ZNF407: variants seen among roughly 807,000 people sequenced by gnomAD.
ZNF407 encodes zinc finger protein 407.
A neutral mutation model predicts 131.2 loss-of-function variants in ZNF407; 17 were observed. That is an observed-to-expected ratio of 0.13 (90% CI 0.09 to 0.19). ZNF407 has a LOEUF of 0.19. ZNF407 is among the 10% of genes least tolerant of loss of function. ZNF407 has a pLI of 1.00. For synonymous variants in ZNF407, 1,156 were observed against 1,062.0 expected (o/e 1.09, Z -1.72); for missense variants, 2,681 against 2,830.6 (o/e 0.95, Z 1.20).
chr18:74,950,659 A>G (rs905949666), intron 8 of ZNF407, among the ~76,000 whole-genome samples: 5 of 152,188 alleles, frequency 3.3e-5, no homozygotes, highest in African/African-American at 9.7e-5. Context: ...TAACATTGCC[A>G]CTTCTGTAAA....
At chr18:75,062,933 TA>T (rs1368167215) in intron 8 of ZNF407, 2 of 486,740 alleles carry the variant, frequency 4.1e-6, no homozygotes, top group African/African-American at 3.9e-5. Context: ...GCACACCCAG[TA>T]TTAACTGTGT....
chr18:74,867,351 A>G (rs1011993047), intron 4 of ZNF407, among the ~76,000 whole-genome samples: 1 of 152,192 alleles, frequency 6.6e-6, no homozygotes, highest in Non-Finnish European at 1.5e-5. Context: ...TGACTTTCTT[A>G]TTGCTGTTTT....
chr18:74,690,196 A>G (rs1223058427), intron 3 of ZNF407, among the ~76,000 whole-genome samples: 1 of 152,226 alleles, frequency 6.6e-6, no homozygotes, highest in East Asian at 1.9e-4. Flanking sequence ...AATTATGTCA[A>G]CTGCATTCTT....
chr18:74,986,205 G>A (rs117673775), intron 8 of ZNF407, among the ~76,000 whole-genome samples: 92 of 151,698 alleles, frequency 6.1e-4, no homozygotes, highest in Non-Finnish European at 1.1e-3. Flanking sequence ...ATGCAGTCTA[G>A]TGTTGATTTT....
At position 75,064,455 on chromosome 18, in the gene ZNF407, T is replaced by C. The variant is rs370159868; in HGVS notation, c.6734T>C (p.Leu2245Pro). 1.2e-5 allele frequency: 18 copies of C among 1,490,584 alleles called. No homozygotes were observed. Among genetic ancestry groups the C allele is most frequent in the Middle Eastern group, 4.6e-4 (2 of 4,374 alleles). The allele number at this position is 1,490,584 out of a possible 1,614,324, so 92.3% of individuals were successfully genotyped here. Reference protein sequence around the residue: ...AIQSQRESSELQEA With the variant: ...AIQSQRESSEPQEA The stretch of plus-strand genomic sequence containing the variant: ...CAGAGCCAAAGAGAAAGCAGCGAAC[T>C]CCAGGAAGCATGAGACGCGCGGCAC... Residue 2245 changes from leucine (L) to proline (P), a missense_variant, in exon 9 of 9, where the codon CTC becomes CCC. Transcript: ENST00000299687.
chr18:74,676,872 T>C (rs535348), intron 3 of ZNF407, among the ~76,000 whole-genome samples: 151,908 of 152,328 alleles, frequency 1, 75,748 homozygotes, highest in Middle Eastern at 1. Context: ...TTCCACAGTT[T>C]AGTAAAATGG....
chr18:74,953,961 G>A (rs1972246705), intron 8 of ZNF407, among the ~76,000 whole-genome samples: 1 of 152,202 alleles, frequency 6.6e-6, no homozygotes, highest in South Asian at 2.1e-4. Context: ...AGGAGAAAAA[G>A]GGATAGTGTA....
At chr18:74,850,055 T>C (rs978420736) in intron 4 of ZNF407, among the ~76,000 whole-genome samples, 1 of 152,192 alleles carries the variant, frequency 6.6e-6, no homozygotes, top group Non-Finnish European at 1.5e-5. Context: ...AGCTGTGGAA[T>C]AGGTGAATGG....
At chr18:75,015,379 T>TA (rs1037247501) in intron 8 of ZNF407, among the ~76,000 whole-genome samples, 44 of 151,054 alleles carry the variant, frequency 2.9e-4, no homozygotes, top group African/African-American at 1.0e-3. Flanking sequence ...TAACAAGCTA[T>TA]AAAAAATGAA....
intron 4 of ZNF407, among the ~76,000 whole-genome samples, chr18:74,811,077 G>A (rs1307721257): frequency 6.6e-6 from 1 of 152,040 alleles, no homozygotes; most frequent in Non-Finnish European, 1.5e-5. Context: ...TACCATCAGA[G>A]TGAACAGGCA....
At chr18:74,671,929 A>T (rs1986155188) in intron 3 of ZNF407, among the ~76,000 whole-genome samples, 1 of 152,202 alleles carries the variant, frequency 6.6e-6, no homozygotes, top group South Asian at 2.1e-4. Context: ...ATTCTGGTGT[A>T]GATGTACACG....
At chr18:74,643,419 T>A (rs1984815313) in intron 3 of ZNF407, among the ~76,000 whole-genome samples, 1 of 152,112 alleles carries the variant, frequency 6.6e-6, no homozygotes. Context: ...CAGAAGGTCC[T>A]GCATTATGTT....
chr18:74,744,392 C>T (rs1188300604), intron 3 of ZNF407, among the ~76,000 whole-genome samples: 3 of 152,062 alleles, frequency 2.0e-5, no homozygotes, highest in Non-Finnish European at 4.4e-5. Context: ...TTGCTTTGTG[C>T]TTGGATGGTT....
At chr18:74,642,564 A>G (rs777469465) in intron 3 of ZNF407, among the ~76,000 whole-genome samples, 1 of 152,120 alleles carries the variant, frequency 6.6e-6, no homozygotes, top group Non-Finnish European at 1.5e-5. Context: ...AAGACCCTAG[A>G]AAGAGAAGAA....
intron 8 of ZNF407, among the ~76,000 whole-genome samples, chr18:75,002,568 C>T (rs921538171): frequency 2.0e-5 from 3 of 152,076 alleles, no homozygotes; most frequent in African/African-American, 4.8e-5. Context: ...TTTGGGAGGA[C>T]AAGGCGGGTG....
intron 8 of ZNF407, among the ~76,000 whole-genome samples, chr18:75,049,406 C>T (rs1177318514): frequency 6.6e-6 from 1 of 152,132 alleles, no homozygotes; most frequent in African/African-American, 2.4e-5. Context: ...ACATGTGGGT[C>T]ACCGGCACTG....
intron 3 of ZNF407, among the ~76,000 whole-genome samples, chr18:74,665,709 C>T (rs1443043411): frequency 6.6e-6 from 1 of 152,104 alleles, no homozygotes; most frequent in Non-Finnish European, 1.5e-5. Flanking sequence ...GAAAAATAAA[C>T]TGACACCTGT....
In ZNF407 at chr18:75,064,619, A is replaced by G. The variant is rs1487024102; in HGVS notation, c.*151A>G. On this transcript the variant is annotated 3_prime_UTR_variant, in exon 9 of 9. Transcript: ENST00000299687. ...AGCATGCCCTCCCAGCGAGAGTCAC[A>G]CTGGCCACCAGCCAGGCGCCCACAG... 1.4e-6 allele frequency: 1 copy of G among 707,020 alleles called. No individual in the cohort carries two copies. Among genetic ancestry groups the G allele is most frequent in the Non-Finnish European group, 2.1e-6 (1 of 469,036 alleles). 43.8% of individuals were successfully genotyped at this position (707,020 alleles called of 1,614,324 possible).
rs144565781 is a variant in ZNF407 at position 74,878,586 on chromosome 18, G to T, written c.5044+1223G>T. ...TGGATCAATAATATAGATTTTTGTT[G>T]TTAGGTCTTGTAGTCTGCACCATAA... On this transcript the variant is annotated intron_variant, in intron 5 of 8. Coordinates refer to ENST00000299687, the MANE Select transcript of ZNF407 (RefSeq NM_017757.3). 5.9e-5 allele frequency among the ~76,000 whole-genome samples: 9 copies of T among 152,140 alleles called. No individual in the cohort carries two copies. The East Asian group carries it at 1.4e-3, about 23-fold the overall frequency.
Sources: gnomAD v4.1 joint callset for allele counts (sites outside exome capture counted in the v4.1 genomes callset) on GRCh38, gnomAD v4.1.1 for gene constraint, MANE v1.5 for transcripts, NCBI Gene and HGNC (gene_info 2026-07-23, HGNC 2026-07-21) for gene names.